The following KCNT2 variants were observed in gnomAD, a reference collection of about 807,000 sequenced individuals.
KCNT2 encodes potassium sodium-activated channel subfamily T member 2.
In KCNT2, 67 loss-of-function variants were observed where a neutral mutation model predicts 153.8. That is an observed-to-expected ratio of 0.44 (90% CI 0.36 to 0.53). KCNT2 has a LOEUF of 0.53. KCNT2 is among the 20% of genes least tolerant of loss of function. The pLI is 0.00. For missense variants in KCNT2, 975 were observed against 1,354.8 expected, an observed-to-expected ratio of 0.72 and a Z score of 4.40; for synonymous variants, 500 against 458.8, an observed-to-expected ratio of 1.09 and a Z score of -1.15.
chr1:196,229,782 A>T (rs1015067706), intron 27 of KCNT2, among the ~76,000 whole-genome samples: 2 of 152,126 alleles, frequency 1.3e-5, no homozygotes, highest in Non-Finnish European at 2.9e-5. Flanking sequence ...TGGAAAAAAG[A>T]TCAAACCAGC....
chr1:196,541,515 C>T (rs754327786), intron 1 of KCNT2, among the ~76,000 whole-genome samples: 8 of 151,922 alleles, frequency 5.3e-5, no homozygotes, highest in African/African-American at 9.7e-5. Context: ...GTCTTATTGG[C>T]GCACAAACAT....
chr1:196,581,781 A>G (rs1392723544), intron 1 of KCNT2, among the ~76,000 whole-genome samples: 1 of 152,170 alleles, frequency 6.6e-6, no homozygotes, highest in Admixed American at 6.6e-5. Flanking sequence ...ATAAAAATAT[A>G]TCAAATTCAC....
chr1:196,536,166 A>G (rs1429488958), intron 1 of KCNT2, among the ~76,000 whole-genome samples: 1 of 152,184 alleles, frequency 6.6e-6, no homozygotes, highest in African/African-American at 2.4e-5. Flanking sequence ...CTATTTCCCT[A>G]TCTTTACAGG....
intron 14 of KCNT2, among the ~76,000 whole-genome samples, chr1:196,357,258 G>A (rs183703350): frequency 6.6e-6 from 1 of 152,010 alleles, no homozygotes; most frequent in East Asian, 1.9e-4. Flanking sequence ...CAAGTGGAGG[G>A]CTTCAATTAT....
At chr1:196,241,804 T>C (rs1654984285) in intron 26 of KCNT2, among the ~76,000 whole-genome samples, 1 of 152,110 alleles carries the variant, frequency 6.6e-6, no homozygotes, top group Non-Finnish European at 1.5e-5. Context: ...CCTTTCAAAA[T>C]AGAGTATTCA....
At chr1:196,308,537 C>A (rs908109266) in intron 21 of KCNT2, among the ~76,000 whole-genome samples, 4 of 152,024 alleles carry the variant, frequency 2.6e-5, no homozygotes, top group African/African-American at 9.7e-5. Flanking sequence ...ATCTGCCTGA[C>A]TTCTTTGGAT....
chr1:196,304,309 T>C (rs1661436674), intron 22 of KCNT2, among the ~76,000 whole-genome samples: 1 of 152,178 alleles, frequency 6.6e-6, no homozygotes, highest in Non-Finnish European at 1.5e-5. Flanking sequence ...CATCATTTTC[T>C]CTACCTCTTA....
At chr1:196,304,432 C>A (rs915601971) in intron 22 of KCNT2, among the ~76,000 whole-genome samples, 2 of 152,158 alleles carry the variant, frequency 1.3e-5, no homozygotes, top group Non-Finnish European at 2.9e-5. Context: ...TAGCTCACTG[C>A]AGCGTCGAAA....
chr1:196,322,956 A>G (rs765945887), intron 19 of KCNT2, among the ~76,000 whole-genome samples: 1 of 152,012 alleles, frequency 6.6e-6, no homozygotes, highest in East Asian at 1.9e-4. Context: ...AGAAGAAAAA[A>G]ATGATGTTTC....
At chr1:196,419,038 C>A (rs1672977461) in intron 12 of KCNT2, among the ~76,000 whole-genome samples, 1 of 152,096 alleles carries the variant, frequency 6.6e-6, no homozygotes, top group South Asian at 2.1e-4. Flanking sequence ...CCTGAGGCTA[C>A]TTCTCCTTCA....
intron 1 of KCNT2, among the ~76,000 whole-genome samples, chr1:196,579,502 CT>C (rs533302329): frequency 1.3e-4 from 20 of 151,014 alleles, no homozygotes; most frequent in African/African-American, 4.6e-4. Flanking sequence ...AGTAGAAATT[CT>C]TTTTTTTTGA....
At chr1:196,350,717 T>A (rs1400936211) in intron 14 of KCNT2, among the ~76,000 whole-genome samples, 2 of 152,124 alleles carry the variant, frequency 1.3e-5, no homozygotes, top group Non-Finnish European at 2.9e-5. Context: ...ATTAGATCCC[T>A]TTTGTCAATT....
intron 19 of KCNT2, among the ~76,000 whole-genome samples, chr1:196,320,384 T>C (rs1264161741): frequency 1.3e-5 from 2 of 151,854 alleles, no homozygotes; most frequent in Non-Finnish European, 2.9e-5. Flanking sequence ...TTGTAAGAAA[T>C]AAAGAGTTTT....
chr1:196,429,487 A>G (rs769501287), intron 9 of KCNT2, 90 bp downstream of exon 9: 7 of 789,034 alleles, frequency 8.9e-6, no homozygotes, highest in East Asian at 2.7e-5. Context: ...GTGTTAGATA[A>G]ATAAGCCACT....
At chr1:196,229,984 G>A (rs901993601) in intron 27 of KCNT2, among the ~76,000 whole-genome samples, 4 of 152,054 alleles carry the variant, frequency 2.6e-5, no homozygotes, top group African/African-American at 7.2e-5. Flanking sequence ...GAAGTAGATA[G>A]TGCTAATGCA....
chr1:196,416,930 C>A (rs1281288551), intron 12 of KCNT2, among the ~76,000 whole-genome samples: 8 of 152,010 alleles, frequency 5.3e-5, no homozygotes, highest in Non-Finnish European at 8.8e-5. Flanking sequence ...TCCCCCACTA[C>A]CCTTCCCAGC....
intron 14 of KCNT2, among the ~76,000 whole-genome samples, chr1:196,372,092 T>C (rs561097345): frequency 6.6e-6 from 1 of 152,134 alleles, no homozygotes; most frequent in Admixed American, 6.6e-5. Context: ...TCCTTCCTAT[T>C]GCACAGATTA....
chr1:196,442,302 T>G (rs547185835), intron 8 of KCNT2, among the ~76,000 whole-genome samples: 5 of 151,926 alleles, frequency 3.3e-5, no homozygotes, highest in Non-Finnish European at 2.9e-5. Context: ...TTGGAAAACT[T>G]ATAGGATTTT....
At chr1:196,596,839 T>C (rs1664145998) in intron 1 of KCNT2, among the ~76,000 whole-genome samples, 1 of 152,064 alleles carries the variant, frequency 6.6e-6, no homozygotes, top group Admixed American at 6.6e-5. Context: ...GTAGCTAGGA[T>C]TACAGCACAC....
Sources: gnomAD v4.1 joint callset for allele counts (sites outside exome capture counted in the v4.1 genomes callset) on GRCh38, gnomAD v4.1.1 for gene constraint, MANE v1.5 for transcripts, NCBI Gene and HGNC (gene_info 2026-07-23, HGNC 2026-07-21) for gene names.